Variants in NRXN1 observed in about 807,000 individuals in gnomAD.
The protein encoded by NRXN1 is neurexin-1.
NRXN1 carries 39 observed loss-of-function variants against 150.9 expected under a neutral mutation model. The observed-to-expected ratio is 0.26, with a 90% CI of 0.20 to 0.34. The LOEUF (loss-of-function observed/expected upper bound fraction) is 0.34. Ranked by LOEUF, NRXN1 falls within the 10% of genes least tolerant of loss-of-function variation. The pLI, the probability that NRXN1 is intolerant of heterozygous loss-of-function variation, is 1.00. For synonymous variants in NRXN1, 924 were observed against 757.0 expected, an observed-to-expected ratio of 1.22 and a Z score of -3.62; for missense variants, 1,815 against 1,949.9, an observed-to-expected ratio of 0.93 and a Z score of 1.30.
intron 19 of NRXN1, among the ~76,000 whole-genome samples, chr2:50,071,041 G>A (rs894694860): frequency 6.6e-6 from 1 of 152,152 alleles, no homozygotes; most frequent in African/African-American, 2.4e-5. Context: ...TCAAATTTGA[G>A]CTGATGCTCC....
At chr2:50,110,257 G>C (rs555654749) in intron 18 of NRXN1, among the ~76,000 whole-genome samples, 1 of 152,220 alleles carries the variant, frequency 6.6e-6, no homozygotes, top group Non-Finnish European at 1.5e-5. Flanking sequence ...TTGGGAGGCT[G>C]AGGTGGGCAG....
chr2:50,484,982 T>C (rs866378779), intron 15 of NRXN1, among the ~76,000 whole-genome samples: 7 of 152,202 alleles, frequency 4.6e-5, no homozygotes, highest in African/African-American at 1.2e-4. Flanking sequence ...TTTTGGCAAA[T>C]ACAGATGGCA....
chr2:50,658,976 A>G (rs1469166539), intron 5 of NRXN1, among the ~76,000 whole-genome samples: 2 of 152,030 alleles, frequency 1.3e-5, no homozygotes, highest in African/African-American at 4.8e-5. Flanking sequence ...CATGAACTCA[A>G]AAAGATAGCT....
chr2:50,726,334 T>C (rs955378737), intron 5 of NRXN1, among the ~76,000 whole-genome samples: 2 of 152,210 alleles, frequency 1.3e-5, no homozygotes, highest in African/African-American at 2.4e-5. Context: ...AGTTTCCTTA[T>C]TTATTATATG....
chr2:49,919,108 C>G lies in NRXN1; in HGVS notation c.*2836G>C, dbSNP rs971892264. The G allele has an allele frequency of 6.6e-6, 1 of 152,036 alleles. No homozygotes were observed. The highest frequency in any genetic ancestry group is 1.5e-5 in the Non-Finnish European group (1 of 67,954). 9.4% of individuals were successfully genotyped at this position (152,036 alleles called of 1,614,324 possible). On this transcript the variant is annotated 3_prime_UTR_variant, in exon 23 of 23. Transcript: ENST00000401669. ...TTCTTTTAAAAAAGGCAACACATTA[C>G]ATGGATAAAAAAGAAGCATAATCAA...
intron 5 of NRXN1, among the ~76,000 whole-genome samples, chr2:50,725,056 C>T (rs1268941971): frequency 2.0e-5 from 3 of 151,066 alleles, no homozygotes; most frequent in Admixed American, 1.3e-4. Context: ...TAATAATTAT[C>T]CACACTTGGA....
At position 50,433,938 on chromosome 2, in the gene NRXN1, T is replaced by G. The variant is rs2085193531; in HGVS notation, c.3364+31504A>C. On this transcript the variant is annotated intron_variant, in intron 17 of 22. Transcript: ENST00000401669. ...TAATTGAAGTAGCAACTGAACAAGC[T>G]GCTCTTTCACTCCCCTGACAATATT... Among the ~76,000 whole-genome samples the G allele has an allele frequency of 2.6e-5, 4 of 152,050 alleles. No homozygotes were observed. In the East Asian group the frequency reaches 5.8e-4, roughly 22 times the overall value.
At chr2:50,640,024 G>A (rs535192829) in intron 5 of NRXN1, among the ~76,000 whole-genome samples, 42 of 152,176 alleles carry the variant, frequency 2.8e-4, no homozygotes, top group African/African-American at 8.9e-4. Flanking sequence ...TTAATTATTA[G>A]CAAATGCTAA....
chr2:50,754,897 C>T (rs968953699), intron 5 of NRXN1, among the ~76,000 whole-genome samples: 2 of 151,792 alleles, frequency 1.3e-5, no homozygotes, highest in African/African-American at 4.8e-5. Flanking sequence ...ATTTATTGAA[C>T]ACAAGACATT....
intron 17 of NRXN1, among the ~76,000 whole-genome samples, chr2:50,412,829 T>A (rs2083285637): frequency 6.6e-6 from 1 of 152,148 alleles, no homozygotes; most frequent in Admixed American, 6.5e-5. Flanking sequence ...AAACATATCC[T>A]GGGGAAAAGA....
chr2:51,002,671 C>T (rs1295465679), intron 2 of NRXN1, among the ~76,000 whole-genome samples: 1 of 151,820 alleles, frequency 6.6e-6, no homozygotes, highest in African/African-American at 2.4e-5. Flanking sequence ...AAAGGAGACA[C>T]ATCATCAGAA....
intron 18 of NRXN1, among the ~76,000 whole-genome samples, chr2:50,133,210 C>G (rs1170535095): frequency 6.6e-6 from 1 of 152,114 alleles, no homozygotes; most frequent in Non-Finnish European, 1.5e-5. Context: ...TGGCAGGTAC[C>G]TGACATTCAA....
At chr2:50,369,848 G>A (rs926419132) in intron 17 of NRXN1, among the ~76,000 whole-genome samples, 2 of 151,934 alleles carry the variant, frequency 1.3e-5, no homozygotes, top group African/African-American at 4.8e-5. Flanking sequence ...CCAGTGTAGG[G>A]CTGGAGGACA....
intron 17 of NRXN1, among the ~76,000 whole-genome samples, chr2:50,448,187 C>A (rs533483891): frequency 6.6e-6 from 1 of 152,002 alleles, no homozygotes. Flanking sequence ...ATTCTCTGGT[C>A]GTCTAATAAA....
intron 21 of NRXN1, among the ~76,000 whole-genome samples, chr2:50,041,982 T>G (rs1289862924): frequency 6.6e-6 from 1 of 152,194 alleles, no homozygotes; most frequent in Non-Finnish European, 1.5e-5. Flanking sequence ...CTTCCTAGTC[T>G]TATGAGAAGA....
chr2:50,941,171 T>G (rs575888292), intron 2 of NRXN1, among the ~76,000 whole-genome samples: 8 of 152,294 alleles, frequency 5.3e-5, no homozygotes, highest in African/African-American at 1.9e-4. Context: ...TCCACTATGA[T>G]TTTAAGTTTC....
chr2:50,872,124 G>C (rs966490885), intron 5 of NRXN1, among the ~76,000 whole-genome samples: 4 of 151,690 alleles, frequency 2.6e-5, no homozygotes, highest in Admixed American at 2.6e-4. Context: ...TTATGTGTGT[G>C]TATGCATGTG....
At chr2:50,673,333 C>G (rs1689116930) in intron 5 of NRXN1, among the ~76,000 whole-genome samples, 1 of 151,968 alleles carries the variant, frequency 6.6e-6, no homozygotes, top group Admixed American at 6.6e-5. Context: ...GCAAAAAGTG[C>G]TTATTTGCTA....
At chr2:50,321,550 A>C (rs2076039589) in intron 17 of NRXN1, among the ~76,000 whole-genome samples, 1 of 152,198 alleles carries the variant, frequency 6.6e-6, no homozygotes, top group Non-Finnish European at 1.5e-5. Context: ...AGGGAGACAT[A>C]AAGTTACAAA....
Sources: gnomAD v4.1 joint callset for allele counts (sites outside exome capture counted in the v4.1 genomes callset) on GRCh38, gnomAD v4.1.1 for gene constraint, MANE v1.5 for transcripts, NCBI Gene and HGNC (gene_info 2026-07-23, HGNC 2026-07-21) for gene names.